The following TRIM33 variants were observed in gnomAD, a reference collection of about 807,000 sequenced individuals.
TRIM33 encodes E3 ubiquitin-protein ligase TRIM33.
TRIM33 carries 20 observed loss-of-function variants against 125.4 expected under a neutral mutation model. The ratio of observed to expected loss-of-function variants is 0.16; its 90% CI spans 0.11 to 0.23. TRIM33 has a LOEUF of 0.23. TRIM33 is among the 10% of genes least tolerant of loss of function. The pLI is 1.00. For missense variants in TRIM33, 920 were observed against 1,411.4 expected, an observed-to-expected ratio of 0.65 and a Z score of 5.58; for synonymous variants, 564 against 513.9, an observed-to-expected ratio of 1.10 and a Z score of -1.32.
intron 1 of TRIM33, among the ~76,000 whole-genome samples, chr1:114,494,226 G>A (rs987564792): frequency 1.3e-5 from 2 of 152,004 alleles, no homozygotes; most frequent in African/African-American, 4.8e-5. Flanking sequence ...CTCCCAAAGT[G>A]CTGGGATTAC....
intron 11 of TRIM33, among the ~76,000 whole-genome samples, chr1:114,420,012 AAC>A (rs1653179810): frequency 6.6e-6 from 1 of 152,228 alleles, no homozygotes; most frequent in Non-Finnish European, 1.5e-5. Flanking sequence ...CTACTGTTAC[AAC>A]AGTTTCATTG....
In TRIM33 at chr1:114,393,724, T is replaced by C. The variant is rs1048264919; in HGVS notation, c.*3924A>G. 1.9e-5 allele frequency: 4 copies of C among 211,868 alleles called. No homozygotes were observed. Among genetic ancestry groups the C allele is most frequent in the East Asian group, 7.1e-5 (1 of 14,086 alleles). 13.1% of individuals were successfully genotyped at this position (211,868 alleles called of 1,614,324 possible). On this transcript the variant is annotated 3_prime_UTR_variant, in exon 20 of 20. Transcript: ENST00000358465. Reference sequence around the variant, plus strand: ...TGAAATGTCTATGTAAACTGTGGCATATAAATTTTTTTCCTTAAAAAAGTA... The same window carrying C: ...TGAAATGTCTATGTAAACTGTGGCACATAAATTTTTTTCCTTAAAAAAGTA...
rs1348671260 is a variant in TRIM33 at position 114,511,174 on chromosome 1, G to T, written c.-98C>A. On this transcript the variant is annotated 5_prime_UTR_variant, in exon 1 of 20. Transcript: ENST00000358465. ...CCCCAGCCGCAGCCGCAGCAAGAGC[G>T]GCAGCCGAGAGCTAGCGAGAGAGCG... The T allele has an allele frequency of 4.9e-6, 5 of 1,025,854 alleles. No homozygotes were observed. The highest frequency in any genetic ancestry group is 8.4e-5 in the East Asian group (1 of 11,870). The allele number at this position is 1,025,854 out of a possible 1,614,324, so 63.5% of individuals were successfully genotyped here. A position where few individuals can be genotyped will look rare whatever the true frequency, so the allele number is the denominator to read the frequency against.
chr1:114,412,810 T>G (rs750468948), intron 11 of TRIM33, among the ~76,000 whole-genome samples: 1 of 152,246 alleles, frequency 6.6e-6, no homozygotes, highest in Non-Finnish European at 1.5e-5. Context: ...AAAGCTGCTA[T>G]AAACATTTGA....
intron 6 of TRIM33, 35 bp from the exon 7 acceptor site, chr1:114,427,929 A>G: frequency 1.2e-6 from 2 of 1,605,274 alleles, no homozygotes; most frequent in Non-Finnish European, 1.7e-6. Context: ...GTAGAATTCC[A>G]TATGAAAAAA....
Position 114,397,496 on chromosome 1 carries a change from T to G in TRIM33, c.*152A>C. ...TGTGTTTCTGTCCATTATTTCAATCTAATACTGTGTAAAAGCTATCAGCTT... is the reference window on the plus strand; with the variant it reads ...TGTGTTTCTGTCCATTATTTCAATCGAATACTGTGTAAAAGCTATCAGCTT... On this transcript the variant is annotated 3_prime_UTR_variant, in exon 20 of 20. Transcript: ENST00000358465. The G allele has an allele frequency of 1.6e-6, 1 of 620,872 alleles. No homozygotes were observed. Among genetic ancestry groups the G allele is most frequent in the South Asian group, 2.0e-5 (1 of 48,954 alleles). 38.5% of individuals were successfully genotyped at this position (620,872 alleles called of 1,614,324 possible). A position where few individuals can be genotyped will look rare whatever the true frequency, so the allele number is the denominator to read the frequency against.
At chr1:114,424,963 TCTC>T (rs200893685) in intron 9 of TRIM33, among the ~76,000 whole-genome samples, 6,583 of 152,242 alleles carry the variant, frequency 0.043, 154 homozygotes, top group African/African-American at 0.063. Flanking sequence ...TCTCTCTCTC[TCTC>T]TTACCTGTTC....
chr1:114,428,934 A>G (rs1647763440), intron 6 of TRIM33, among the ~76,000 whole-genome samples: 1 of 151,906 alleles, frequency 6.6e-6, no homozygotes, highest in Non-Finnish European at 1.5e-5. Flanking sequence ...GGTTCACTGC[A>G]AACTCCACTT....
intron 5 of TRIM33, among the ~76,000 whole-genome samples, chr1:114,432,594 G>A (rs1378275893): frequency 6.6e-6 from 1 of 152,164 alleles, no homozygotes; most frequent in Non-Finnish European, 1.5e-5. Context: ...AGACCATCCT[G>A]GCTAACACGG....
intron 4 of TRIM33, among the ~76,000 whole-genome samples, chr1:114,436,674 G>A (rs762804027): frequency 2.0e-5 from 3 of 151,770 alleles, no homozygotes; most frequent in South Asian, 2.1e-4. Context: ...CATGTTGGCC[G>A]GGCTGATCTC....
At chr1:114,474,337 G>A (rs895636063) in intron 1 of TRIM33, among the ~76,000 whole-genome samples, 3 of 149,568 alleles carry the variant, frequency 2.0e-5, no homozygotes, top group African/African-American at 7.4e-5. Flanking sequence ...TTGGGCTGAG[G>A]TGGGAGGATC....
chr1:114,402,045 G>A (rs1651927074), intron 16 of TRIM33, among the ~76,000 whole-genome samples: 1 of 152,020 alleles, frequency 6.6e-6, no homozygotes, highest in Non-Finnish European at 1.5e-5. Flanking sequence ...AGTGGATGAG[G>A]GTTTTTACCA....
chr1:114,424,457 C>A, intron 10 of TRIM33, 134 bp downstream of exon 10: 1 of 674,918 alleles, frequency 1.5e-6, no homozygotes, highest in South Asian at 3.8e-5. Flanking sequence ...GTTTATTTTT[C>A]TGGGACAAGA....
At chr1:114,428,336 AAG>A (rs1647722375) in intron 6 of TRIM33, among the ~76,000 whole-genome samples, 1 of 152,368 alleles carries the variant, frequency 6.6e-6, no homozygotes, top group Admixed American at 6.5e-5. Context: ...TTAAATATAT[AAG>A]ACAAAATGAA....
chr1:114,438,789 A>G (rs1648467803), intron 4 of TRIM33, among the ~76,000 whole-genome samples: 2 of 152,354 alleles, frequency 1.3e-5, no homozygotes, highest in Middle Eastern at 3.4e-3. Flanking sequence ...AGGCATACTA[A>G]GGATTTAATG....
chr1:114,500,269 T>A (rs776484607), intron 1 of TRIM33, among the ~76,000 whole-genome samples: 3 of 152,214 alleles, frequency 2.0e-5, no homozygotes, highest in Non-Finnish European at 4.4e-5. Context: ...CAAACTGATT[T>A]ACATATTCAA....
chr1:114,464,159 A>T (rs1353270242), intron 2 of TRIM33, 111 bp downstream of exon 2: 1 of 542,048 alleles, frequency 1.8e-6, no homozygotes, highest in Non-Finnish European at 3.3e-6. Context: ...TATTTGAAAC[A>T]GGAATCCATA....
chr1:114,422,377 A>C (rs1647257948), intron 10 of TRIM33, among the ~76,000 whole-genome samples: 1 of 152,198 alleles, frequency 6.6e-6, no homozygotes, highest in South Asian at 2.1e-4. Flanking sequence ...GACAAGGTGT[A>C]CTTGGCCCCT....
chr1:114,499,252 A>T (rs1222563179), intron 1 of TRIM33, among the ~76,000 whole-genome samples: 1 of 152,216 alleles, frequency 6.6e-6, no homozygotes, highest in Non-Finnish European at 1.5e-5. Context: ...GGATGTACAA[A>T]CAAGGGCGTA....
Sources: gnomAD v4.1 joint callset for allele counts (sites outside exome capture counted in the v4.1 genomes callset) on GRCh38, gnomAD v4.1.1 for gene constraint, MANE v1.5 for transcripts, NCBI Gene and HGNC (gene_info 2026-07-23, HGNC 2026-07-21) for gene names.